Variants in NTM observed in about 807,000 individuals in gnomAD.
The protein encoded by NTM is neurotrimin.
A neutral mutation model predicts 42.1 loss-of-function variants in NTM; 13 were observed. That is an observed-to-expected ratio of 0.31 (90% CI 0.20 to 0.49). The LOEUF is 0.49. Among genes scored for constraint, NTM ranks in the 20% least tolerant of loss-of-function variants. NTM has a pLI of 0.99. For synonymous variants in NTM, 187 were observed against 179.2 expected (o/e 1.04, Z -0.35); for missense variants, 373 against 452.8 (o/e 0.82, Z 1.60).
intron 1 of NTM, among the ~76,000 whole-genome samples, chr11:131,722,287 C>T (rs1592702028): frequency 6.6e-6 from 1 of 152,182 alleles, no homozygotes. Context: ...GGGGACTATT[C>T]TGCATCTCTA....
intron 1 of NTM, among the ~76,000 whole-genome samples, chr11:131,394,202 A>G (rs956386476): frequency 6.6e-6 from 1 of 152,202 alleles, no homozygotes; most frequent in Non-Finnish European, 1.5e-5. Context: ...CATGATTCCC[A>G]GTCCCAGCTT....
At chr11:131,946,886 G>A (rs543644291) in intron 2 of NTM, among the ~76,000 whole-genome samples, 1 of 152,230 alleles carries the variant, frequency 6.6e-6, no homozygotes, top group Non-Finnish European at 1.5e-5. Flanking sequence ...TGTCAAACAG[G>A]CTACCATGAG....
intron 1 of NTM, among the ~76,000 whole-genome samples, chr11:131,628,692 G>A (rs539921395): frequency 2.0e-5 from 3 of 152,350 alleles, no homozygotes; most frequent in East Asian, 3.9e-4. Context: ...CCTGTCAGGA[G>A]TATTGGTGGT....
intron 1 of NTM, among the ~76,000 whole-genome samples, chr11:131,581,612 G>A (rs2058419480): frequency 6.6e-6 from 1 of 152,148 alleles, no homozygotes. Flanking sequence ...TCGTTATTCT[G>A]ACTCTGGCTG....
chr11:131,478,141 C>G (rs145109645), intron 1 of NTM, among the ~76,000 whole-genome samples: 3 of 152,154 alleles, frequency 2.0e-5, no homozygotes, highest in African/African-American at 7.2e-5. Context: ...TTTCATGGCC[C>G]GGTCAGTATC....
chr11:131,416,620 A>G (rs1353576759), intron 1 of NTM, among the ~76,000 whole-genome samples: 1 of 152,212 alleles, frequency 6.6e-6, no homozygotes, highest in Non-Finnish European at 1.5e-5. Flanking sequence ...TTCAGTCTAA[A>G]CTTCCATTGT....
intron 1 of NTM, among the ~76,000 whole-genome samples, chr11:131,503,669 C>A (rs2047116554): frequency 6.8e-6 from 1 of 147,210 alleles, no homozygotes; most frequent in Non-Finnish European, 1.5e-5. Flanking sequence ...ACCACAGGCA[C>A]ACTCCACTAT....
At position 132,206,952 on chromosome 11, in the gene NTM, A is replaced by G. The variant is rs562822754; in HGVS notation, c.401-5070A>G. On this transcript the variant is annotated intron_variant, in intron 3 of 8. Coordinates refer to ENST00000683400, the MANE Select transcript of NTM (RefSeq NM_001352005.2). ...TGTTATTCAACTCTCTGGAATGTTT[A>G]CATGCCCTGTTTCCTCAAACAGATT... Among the ~76,000 whole-genome samples the G allele has an allele frequency of 5.3e-5, 8 of 152,350 alleles. No homozygotes were observed. In the South Asian group the frequency reaches 1.7e-3, roughly 32 times the overall value.
chr11:131,744,795 G>T (rs910148738), intron 1 of NTM, among the ~76,000 whole-genome samples: 5 of 152,104 alleles, frequency 3.3e-5, no homozygotes, highest in Non-Finnish European at 5.9e-5. Context: ...ACTCTCCTTA[G>T]CCCCAAAGAT....
At chr11:131,449,264 C>T (rs558945477) in intron 1 of NTM, among the ~76,000 whole-genome samples, 3 of 152,260 alleles carry the variant, frequency 2.0e-5, no homozygotes, top group African/African-American at 2.4e-5. Flanking sequence ...TGGCTGTAGG[C>T]GGGCATGGGT....
At chr11:131,779,247 C>T (rs2087619031) in intron 1 of NTM, among the ~76,000 whole-genome samples, 1 of 152,170 alleles carries the variant, frequency 6.6e-6, no homozygotes, top group African/African-American at 2.4e-5. Context: ...TGGCTGACAC[C>T]TTGATTTCAG....
chr11:132,235,214 G>A (rs1482351741), intron 4 of NTM, among the ~76,000 whole-genome samples: 2 of 152,150 alleles, frequency 1.3e-5, no homozygotes, highest in African/African-American at 4.8e-5. Flanking sequence ...AATACCATTA[G>A]AATCATCTTC....
At chr11:131,972,962 G>A (rs1015788433) in intron 2 of NTM, among the ~76,000 whole-genome samples, 11 of 152,042 alleles carry the variant, frequency 7.2e-5, no homozygotes, top group Middle Eastern at 3.2e-3. Context: ...CAATAACCAG[G>A]CAGATAAACA....
intron 1 of NTM, among the ~76,000 whole-genome samples, chr11:131,857,082 A>T (rs1041212151): frequency 6.6e-6 from 1 of 152,186 alleles, no homozygotes; most frequent in Non-Finnish European, 1.5e-5. Flanking sequence ...AGCATTTTCC[A>T]AATGTAACTT....
chr11:132,104,608 A>G (rs942660499), intron 2 of NTM, among the ~76,000 whole-genome samples: 1 of 76,802 alleles, frequency 1.3e-5, no homozygotes, highest in African/African-American at 5.8e-5. Flanking sequence ...AATAACTAAT[A>G]GTAATAATCA....
At chr11:132,332,271 G>T (rs556586658) in intron 8 of NTM, 1 of 152,796 alleles carries the variant, frequency 6.5e-6, no homozygotes, top group East Asian at 1.9e-4. Context: ...TCCAGGTCTG[G>T]TGTCCTGGAT....
chr11:131,885,220 G>A (rs1262559025), intron 1 of NTM, among the ~76,000 whole-genome samples: 2 of 152,186 alleles, frequency 1.3e-5, no homozygotes, highest in Non-Finnish European at 2.9e-5. Context: ...TGCATTCCAG[G>A]CACTGGGTAT....
At chr11:132,321,675 G>A (rs535449134) in intron 7 of NTM, among the ~76,000 whole-genome samples, 264 of 151,754 alleles carry the variant, frequency 1.7e-3, no homozygotes, top group Non-Finnish European at 2.7e-3. Flanking sequence ...GAAATACAGA[G>A]AATGCCACAA....
rs1234868180 is a variant in NTM, at chr11:131,548,265, C to G, written c.82+177377C>G. 2.0e-5 allele frequency among the ~76,000 whole-genome samples: 3 copies of G among 152,100 alleles called. No homozygotes were observed. In the East Asian group the frequency reaches 5.8e-4, roughly 29 times the overall value. On this transcript the variant is annotated intron_variant, in intron 1 of 8. Transcript: ENST00000683400. ...CTTTGGCCACAAGCATGTTTTGCCT[C>G]CACCACCACTCTCCCCTTGTGCATT...
Sources: allele counts gnomAD v4.1 joint callset (sites outside exome capture counted in the v4.1 genomes callset), GRCh38; gene constraint gnomAD v4.1.1; transcripts MANE v1.5; gene names NCBI Gene and HGNC (gene_info 2026-07-23, HGNC 2026-07-21).